The following MAP3K2 variants were observed in gnomAD, a reference collection of about 807,000 sequenced individuals.
MAP3K2 encodes MAP/ERK kinase kinase 2.
MAP3K2 carries 24 observed loss-of-function variants against 80.3 expected under a neutral mutation model. That is an observed-to-expected ratio of 0.30 (90% CI 0.22 to 0.42). MAP3K2 has a LOEUF of 0.42. Among genes scored for constraint, MAP3K2 ranks in the 10% least tolerant of loss-of-function variants. The pLI is 1.00. For missense variants in MAP3K2, 608 were observed against 750.1 expected (o/e 0.81, Z 2.21); for synonymous variants, 244 against 253.7 (o/e 0.96, Z 0.36).
chr2:127,351,397 G>A (rs769009121), intron 1 of MAP3K2, among the ~76,000 whole-genome samples: 12 of 151,874 alleles, frequency 7.9e-5, no homozygotes, highest in Non-Finnish European at 1.3e-4. Flanking sequence ...TCTTTATACT[G>A]GTTTTGCAAC....
chr2:127,357,112 G>T (rs933140083), intron 1 of MAP3K2, among the ~76,000 whole-genome samples: 1 of 152,194 alleles, frequency 6.6e-6, no homozygotes, highest in East Asian at 1.9e-4. Flanking sequence ...ACAAAAGAAC[G>T]GCAAGATCTT....
intron 3 of MAP3K2, 52 bp downstream of exon 3, chr2:127,338,880 T>C (rs1686424805): frequency 8.4e-7 from 1 of 1,194,702 alleles, no homozygotes; most frequent in African/African-American, 1.5e-5. Context: ...TCCATAAGAT[T>C]AGGATATTAA....
In MAP3K2 at chr2:127,321,937, A is replaced by T; in HGVS notation, c.1045+109T>A. ...AGAAACACCATTATTACCTTTTTTG[A>T]GTAGTTCATCTGACCCCAAAAACTC... On this transcript the variant is annotated intron_variant, in intron 12 of 16. Transcript: ENST00000682094. The surrounding 1 kb of genome is among the most constrained non-coding windows in gnomAD (Gnocchi z 4.4). The T allele has an allele frequency of 2.3e-6, 2 of 863,192 alleles. No individual in the cohort carries two copies. The highest frequency in any genetic ancestry group is 2.3e-5 in the Admixed American group (1 of 43,776). 53.5% of individuals were successfully genotyped at this position (863,192 alleles called of 1,614,324 possible). A position where few individuals can be genotyped will look rare whatever the true frequency, so the allele number is the denominator to read the frequency against.
At chr2:127,313,841 G>A (rs1685852587) in intron 15 of MAP3K2, among the ~76,000 whole-genome samples, 1 of 152,084 alleles carries the variant, frequency 6.6e-6, no homozygotes, top group Non-Finnish European at 1.5e-5. Flanking sequence ...GCACATGACT[G>A]TTTATTTATT....
intron 1 of MAP3K2, among the ~76,000 whole-genome samples, chr2:127,348,180 G>T (rs565660519): frequency 6.6e-6 from 1 of 152,206 alleles, no homozygotes; most frequent in South Asian, 2.1e-4. Flanking sequence ...TTGAGGTCAG[G>T]AGTTTGAGAC....
At chr2:127,334,874 G>A (rs1247872798) in intron 5 of MAP3K2, among the ~76,000 whole-genome samples, 3 of 151,330 alleles carry the variant, frequency 2.0e-5, no homozygotes, top group South Asian at 4.2e-4. Context: ...GGGTTCAAGC[G>A]ATTCTCCTAC....
intron 1 of MAP3K2, among the ~76,000 whole-genome samples, chr2:127,353,155 C>G (rs55674997): frequency 6.6e-6 from 1 of 151,708 alleles, no homozygotes; most frequent in African/African-American, 2.4e-5. Flanking sequence ...TCTGCCTGGC[C>G]GCCCATCGTC....
chr2:127,337,114 C>A (rs1344426341), intron 4 of MAP3K2, among the ~76,000 whole-genome samples: 1 of 152,010 alleles, frequency 6.6e-6, no homozygotes, highest in African/African-American at 2.4e-5. Context: ...TGCACTCCAG[C>A]CTGGGCGACA....
At chr2:127,328,140 T>G (rs1171028452) in intron 7 of MAP3K2, among the ~76,000 whole-genome samples, 1 of 152,140 alleles carries the variant, frequency 6.6e-6, no homozygotes, top group African/African-American at 2.4e-5. Context: ...CCAGGCATGG[T>G]GGCGGGCGCC....
At position 127,318,423 on chromosome 2, in the gene MAP3K2, T is replaced by C. The variant is rs984196578; in HGVS notation, c.1046-106A>G. 7 of 841,790 alleles carry C rather than the reference T, an allele frequency of 8.3e-6. No individual in the cohort carries two copies. The South Asian group carries it at 2.7e-4, about 32-fold the overall frequency. 52.1% of individuals were successfully genotyped at this position (841,790 alleles called of 1,614,324 possible). On this transcript the variant is annotated intron_variant, in intron 12 of 16. Transcript: ENST00000682094. ...TAGTGACATCCTTCATTGAATGTACTTGGATATAAGGAAAAATTATGATTA... is the reference window on the plus strand; with the variant it reads ...TAGTGACATCCTTCATTGAATGTACCTGGATATAAGGAAAAATTATGATTA...
chr2:127,317,199 C>G (rs978690983), intron 14 of MAP3K2, among the ~76,000 whole-genome samples: 1 of 152,100 alleles, frequency 6.6e-6, no homozygotes. Flanking sequence ...AGAAGAATCA[C>G]TTGGGCTCAG....
chr2:127,334,989 T>C (rs1686336778), intron 5 of MAP3K2, among the ~76,000 whole-genome samples: 3 of 152,124 alleles, frequency 2.0e-5, no homozygotes, highest in Non-Finnish European at 4.4e-5. Context: ...AGAATGGTCT[T>C]GTTCTCTTGA....
At chr2:127,311,114 T>C (rs1029516457) in intron 15 of MAP3K2, among the ~76,000 whole-genome samples, 2 of 152,096 alleles carry the variant, frequency 1.3e-5, no homozygotes, top group Non-Finnish European at 2.9e-5. Flanking sequence ...TACCAGCAAA[T>C]TCCCCAGTCT....
chr2:127,308,677 T>G lies in MAP3K2; in HGVS notation c.1542A>C (p.Ser514=). Residue 514 remains serine (S), a synonymous_variant, in exon 16 of 17, where the codon TCA becomes TCC. Transcript: ENST00000682094. ...ASKRLQTICL[S]GTGMKSVTGT... is the part of the protein sequence containing the mutation. ...CCGTGACAGACTTCATTCCTGTCCC[T>G]GAGAGACAGATGGTCTGAAGCCGTT... The G allele has an allele frequency of 6.2e-7, 1 of 1,613,996 alleles. No homozygotes were observed. The highest frequency in any genetic ancestry group is 2.2e-5 in the East Asian group (1 of 44,892).
intron 1 of MAP3K2, among the ~76,000 whole-genome samples, chr2:127,350,309 G>GA (rs34718563): frequency 0.38 from 57,115 of 151,518 alleles, 11,523 homozygotes; most frequent in East Asian, 0.62. Flanking sequence ...CCACTGAATA[G>GA]AAAAAATGAA....
Position 127,329,928 on chromosome 2 carries a change from A to G in MAP3K2, c.459T>C (p.Ser153=). The change falls in exon 7 of 17, where the codon TCT becomes TCC. Residue 153 remains serine, a synonymous_variant. Coordinates refer to ENST00000682094, the MANE Select transcript of MAP3K2 (RefSeq NM_001371910.2). ...VFGAERKKRL[S]IIGPTSRDRS... Reference sequence around the variant, plus strand: ...CAGACACTAGTTTCTTACCTATTATAGATAGCCGTTTTTTCCTCTCTGCTC... The same window carrying G: ...CAGACACTAGTTTCTTACCTATTATGGATAGCCGTTTTTTCCTCTCTGCTC... 6.3e-7 allele frequency: 1 copy of G among 1,580,336 alleles called. No individual in the cohort carries two copies. The highest frequency in any genetic ancestry group is 1.1e-5 in the South Asian group (1 of 90,316).
chr2:127,334,936 A>G (rs1686336236), intron 5 of MAP3K2, among the ~76,000 whole-genome samples: 1 of 152,012 alleles, frequency 6.6e-6, no homozygotes, highest in Admixed American at 6.6e-5. Context: ...ACGCTCAGCT[A>G]ATTTTTGTAT....
chr2:127,371,231 G>A (rs911579473), intron 1 of MAP3K2, among the ~76,000 whole-genome samples: 2 of 152,160 alleles, frequency 1.3e-5, no homozygotes, highest in African/African-American at 2.4e-5. Context: ...CCTCTAGAGG[G>A]CAGAATACGA....
intron 5 of MAP3K2, among the ~76,000 whole-genome samples, chr2:127,334,856 T>C (rs1686334626): frequency 6.6e-6 from 1 of 151,230 alleles, no homozygotes; most frequent in Admixed American, 6.6e-5. Flanking sequence ...TTGCAACCTC[T>C]GCCTCCCGGG....
Sources: allele counts gnomAD v4.1 joint callset (sites outside exome capture counted in the v4.1 genomes callset), GRCh38; gene constraint gnomAD v4.1.1; non-coding constraint Gnocchi (gnomAD v3.1); transcripts MANE v1.5; gene names NCBI Gene and HGNC (gene_info 2026-07-23, HGNC 2026-07-21).